The following DCAF1 variants were observed in gnomAD, a reference collection of about 807,000 sequenced individuals.
The protein encoded by DCAF1 is DDB1- and CUL4-associated factor 1.
In DCAF1, 15 loss-of-function variants were observed where a neutral mutation model predicts 128.0. The ratio of observed to expected loss-of-function variants is 0.12; its 90% CI spans 0.08 to 0.18. DCAF1 has a LOEUF of 0.18. Among genes scored for constraint, DCAF1 ranks in the 10% least tolerant of loss-of-function variants. The probability of loss-of-function intolerance (pLI) is 1.00; values close to 1 mark genes in which losing one functional copy is unlikely to be tolerated. For synonymous variants in DCAF1, 610 were observed against 603.0 expected, an observed-to-expected ratio of 1.01 and a Z score of -0.17; for missense variants, 988 against 1,649.5, an observed-to-expected ratio of 0.60 and a Z score of 6.95.
chr3:51,412,960 C>T, intron 22 of DCAF1, 33 bp downstream of exon 22: 2 of 1,611,916 alleles, frequency 1.2e-6, no homozygotes, highest in Non-Finnish European at 1.7e-6. Flanking sequence ...AACATCAGAA[C>T]AAAAGAGCAG....
chr3:51,400,339 G>C (rs889052632), intron 24 of DCAF1, among the ~76,000 whole-genome samples: 6 of 152,098 alleles, frequency 3.9e-5, no homozygotes, highest in Non-Finnish European at 8.8e-5. Flanking sequence ...CCACAAACTT[G>C]CCTGGTCCCT....
At chr3:51,483,418 C>T (rs546659548) in intron 3 of DCAF1, among the ~76,000 whole-genome samples, 167 of 144,010 alleles carry the variant, frequency 1.2e-3, no homozygotes, top group African/African-American at 4.2e-3. Context: ...CCAGCCTGGG[C>T]AACAAAGCAA....
intron 2 of DCAF1, among the ~76,000 whole-genome samples, 191 bp downstream of exon 2, chr3:51,496,543 A>C (rs1403850224): frequency 1.3e-5 from 2 of 151,922 alleles, no homozygotes; most frequent in Non-Finnish European, 2.9e-5. Flanking sequence ...GGTAGTTACC[A>C]ATTAGTGAAT....
intron 2 of DCAF1, among the ~76,000 whole-genome samples, chr3:51,489,239 G>C (rs147039585): frequency 6.6e-6 from 1 of 152,162 alleles, no homozygotes; most frequent in East Asian, 1.9e-4. Flanking sequence ...TTTGAGACCA[G>C]CCTGGCCAAC....
At chr3:51,412,569 G>A (rs1698527064) in intron 22 of DCAF1, 89 bp from the exon 23 acceptor site, 1 of 1,572,710 alleles carries the variant, frequency 6.4e-7, no homozygotes, top group East Asian at 2.3e-5. Flanking sequence ...CCATGACCTT[G>A]ACCCTGTAAT....
chr3:51,498,203 T>C (rs573423307), intron 1 of DCAF1, among the ~76,000 whole-genome samples: 167 of 139,404 alleles, frequency 1.2e-3, no homozygotes, highest in African/African-American at 4.5e-3. Flanking sequence ...CTACTATAAA[T>C]ACAAAAATTA....
Position 51,441,825 on chromosome 3 carries a change from G to A in DCAF1, c.586C>T (p.Pro196Ser), listed in dbSNP as rs782635489. 1.9e-6 allele frequency: 3 copies of A among 1,613,656 alleles called. No homozygotes were observed. In the Middle Eastern group the frequency reaches 4.9e-4, roughly 266 times the overall value. The change falls in exon 8 of 25, where the codon CCC becomes TCC. Residue 196 changes from proline (P) to serine (S), a missense_variant. Physicochemically the swap from Pro to Ser is moderately conservative, Grantham distance 74. This residue lies in a region of DCAF1 where 210 missense variants were observed against 260.2 expected (regional missense o/e 0.81). Transcript: ENST00000684031. ...EVALRQENKR[P>S]SPRKLSSEPL... ...TCAGAAGAGAGCTTCCGTGGACTGG[G>A]ACGCTTGTTTTCCTGCCGCAAAGCC...
chr3:51,489,197 G>C (rs1707332799), intron 2 of DCAF1, among the ~76,000 whole-genome samples: 1 of 152,156 alleles, frequency 6.6e-6, no homozygotes, highest in Non-Finnish European at 1.5e-5. Flanking sequence ...GCTTTGGGAG[G>C]CCAAGGCAGA....
Position 51,413,270 on chromosome 3 carries a change from C to T in DCAF1, c.4036+12G>A. ...ACGACAAAATGTTCAATGTCTGTCC[C>T]TTTCTGCTTACCTATAGGTTTGTAG... On this transcript the variant is annotated intron_variant, in intron 21 of 24. Coordinates refer to ENST00000684031, the MANE Select transcript of DCAF1 (RefSeq NM_001387579.1). The T allele has an allele frequency of 6.2e-7, 1 of 1,611,446 alleles. No individual in the cohort carries two copies. The highest frequency in any genetic ancestry group is 1.3e-5 in the African/African-American group (1 of 75,016).
intron 6 of DCAF1, among the ~76,000 whole-genome samples, chr3:51,461,968 C>T (rs1156478341): frequency 6.6e-6 from 1 of 151,442 alleles, no homozygotes; most frequent in Non-Finnish European, 1.5e-5. Context: ...TGCTAAATGT[C>T]GAGTTAATGG....
chr3:51,444,790 CT>C (rs1701686618), intron 6 of DCAF1, among the ~76,000 whole-genome samples: 3 of 152,138 alleles, frequency 2.0e-5, no homozygotes, highest in Non-Finnish European at 2.9e-5. Flanking sequence ...ATTCTCCTGC[CT>C]TAGCCTCCCG....
At chr3:51,457,054 C>G (rs1275101227) in intron 6 of DCAF1, among the ~76,000 whole-genome samples, 4 of 152,182 alleles carry the variant, frequency 2.6e-5, no homozygotes, top group Non-Finnish European at 5.9e-5. Flanking sequence ...TGGAACAAAG[C>G]TGGACGGAGA....
At chr3:51,429,562 C>CT (rs879973185) in intron 11 of DCAF1, 92 bp from the exon 12 acceptor site, 7 of 693,206 alleles carry the variant, frequency 1.0e-5, no homozygotes, top group Admixed American at 4.3e-5. Flanking sequence ...TTTTAGTAAA[C>CT]TTTTTTTACT....
chr3:51,481,065 G>A (rs1000912636), intron 3 of DCAF1, among the ~76,000 whole-genome samples: 19 of 152,174 alleles, frequency 1.2e-4, no homozygotes, highest in African/African-American at 2.7e-4. Context: ...TCACTGGAAC[G>A]TGGGAATCCT....
chr3:51,498,284 T>C (rs371735524), intron 1 of DCAF1, among the ~76,000 whole-genome samples: 79 of 146,376 alleles, frequency 5.4e-4, no homozygotes, highest in African/African-American at 1.9e-3. Flanking sequence ...CACTTGAACC[T>C]GGGAGGCGGA....
At chr3:51,418,079 A>G in intron 17 of DCAF1, 37 bp downstream of exon 17, 3 of 1,587,698 alleles carry the variant, frequency 1.9e-6, no homozygotes, top group Non-Finnish European at 2.6e-6. Context: ...AACTAGGTAA[A>G]TAAAGCACAG....
chr3:51,439,442 A>T (rs1381906277), intron 9 of DCAF1, among the ~76,000 whole-genome samples: 40 of 128,374 alleles, frequency 3.1e-4, no homozygotes, highest in Admixed American at 5.1e-4. Context: ...TGCTATTTCT[A>T]TTTTTTTTTT....
chr3:51,407,672 A>G (rs964693393), intron 23 of DCAF1, among the ~76,000 whole-genome samples: 3 of 152,198 alleles, frequency 2.0e-5, no homozygotes, highest in Admixed American at 2.0e-4. Flanking sequence ...CAAATCAAAG[A>G]TGAATGAACT....
At chr3:51,401,210 G>T (rs536782959) in intron 24 of DCAF1, among the ~76,000 whole-genome samples, 33 of 152,130 alleles carry the variant, frequency 2.2e-4, no homozygotes, top group Middle Eastern at 3.4e-3. Context: ...TCTGCAATCA[G>T]GGAGTCCCTG....
Sources: allele counts gnomAD v4.1 joint callset (sites outside exome capture counted in the v4.1 genomes callset), GRCh38; gene constraint gnomAD v4.1.1; regional missense constraint gnomAD v4.1.1; transcripts MANE v1.5; gene names NCBI Gene and HGNC (gene_info 2026-07-23, HGNC 2026-07-21).